The following MED27 variants were observed in gnomAD, a reference collection of about 807,000 sequenced individuals.
MED27 encodes the protein mediator of RNA polymerase II transcription subunit 27.
Under a neutral mutation model 38.2 loss-of-function variants are expected in MED27, and 30 were observed. The ratio of observed to expected loss-of-function variants is 0.79; its 90% CI spans 0.59 to 1.07. The LOEUF (loss-of-function observed/expected upper bound fraction) is 1.07. Among genes scored for constraint, MED27 ranks in the 50% least tolerant of loss-of-function variants. The pLI is 0.00. For synonymous variants in MED27, 122 were observed against 153.5 expected, an observed-to-expected ratio of 0.79 and a Z score of 1.52; for missense variants, 289 against 397.5, an observed-to-expected ratio of 0.73 and a Z score of 2.32.
intron 4 of MED27, among the ~76,000 whole-genome samples, chr9:131,900,232 C>T (rs541251718): frequency 2.0e-5 from 3 of 152,198 alleles, no homozygotes; most frequent in Non-Finnish European, 2.9e-5. Context: ...CTAGCCCCCC[C>T]ATCAGGTCAG....
At chr9:131,908,576 C>G (rs1408541858) in intron 4 of MED27, among the ~76,000 whole-genome samples, 1 of 152,156 alleles carries the variant, frequency 6.6e-6, no homozygotes, top group Non-Finnish European at 1.5e-5. Flanking sequence ...TGTGACCTTA[C>G]CCCCAACCCA....
At chr9:132,017,115 C>T (rs1001320508) in intron 2 of MED27, among the ~76,000 whole-genome samples, 6 of 152,068 alleles carry the variant, frequency 3.9e-5, no homozygotes, top group African/African-American at 1.2e-4. Context: ...CTATAAGGGG[C>T]CCATTAAATA....
chr9:131,964,962 T>C (rs1321324501), intron 3 of MED27, among the ~76,000 whole-genome samples: 1 of 152,234 alleles, frequency 6.6e-6, no homozygotes, highest in Non-Finnish European at 1.5e-5. Context: ...TTTTTAAAAG[T>C]GAAAGTACAA....
intron 3 of MED27, among the ~76,000 whole-genome samples, chr9:131,945,758 G>A (rs1032310044): frequency 3.4e-5 from 5 of 147,650 alleles, no homozygotes; most frequent in East Asian, 2.0e-4. Flanking sequence ...TCAGGAGTTC[G>A]AGATCAGCCT....
chr9:131,891,295 A>G lies in MED27; in HGVS notation c.681+2590T>C, dbSNP rs568270995. On this transcript the variant is annotated intron_variant, in intron 5 of 7. Coordinates refer to ENST00000292035, the MANE Select transcript of MED27 (RefSeq NM_004269.4). Reference sequence around the variant, plus strand: ...TGGAGATAAGATGAGGTGTGTGTAGAGAATGATGCCAGATGAAGTCAGAAA... The same window carrying G: ...TGGAGATAAGATGAGGTGTGTGTAGGGAATGATGCCAGATGAAGTCAGAAA... Among the ~76,000 whole-genome samples the G allele has an allele frequency of 1.5e-4, 23 of 152,364 alleles. No homozygotes were observed. In the East Asian group the frequency reaches 4.2e-3, roughly 28 times the overall value.
intron 2 of MED27, among the ~76,000 whole-genome samples, chr9:132,024,619 A>T (rs757646379): frequency 1.3e-5 from 2 of 152,240 alleles, no homozygotes; most frequent in African/African-American, 4.8e-5. Context: ...CTAAATGAGT[A>T]GCTATATTGA....
At chr9:131,869,317 T>C in intron 6 of MED27, 1 of 985,410 alleles carries the variant, frequency 1.0e-6, no homozygotes, top group Non-Finnish European at 1.2e-6. Context: ...TCAATATTTT[T>C]TTGTTTTACA....
At chr9:131,864,673 C>T (rs376854969) in intron 6 of MED27, among the ~76,000 whole-genome samples, 9 of 152,258 alleles carry the variant, frequency 5.9e-5, no homozygotes, top group South Asian at 4.1e-4. Flanking sequence ...GACCAGGGTC[C>T]GCGCCCCGCA....
At chr9:131,931,711 TA>T (rs1830591381) in intron 4 of MED27, among the ~76,000 whole-genome samples, 2 of 152,146 alleles carry the variant, frequency 1.3e-5, no homozygotes, top group African/African-American at 4.8e-5. Flanking sequence ...GGAGTAGCTA[TA>T]CTTACACAAA....
At chr9:132,033,468 G>C (rs902980639) in intron 2 of MED27, among the ~76,000 whole-genome samples, 1 of 152,030 alleles carries the variant, frequency 6.6e-6, no homozygotes, top group Non-Finnish European at 1.5e-5. Context: ...GAAAAACTTT[G>C]GTAAATTTAG....
At chr9:132,053,710 T>C (rs568096078) in intron 2 of MED27, among the ~76,000 whole-genome samples, 29 of 152,206 alleles carry the variant, frequency 1.9e-4, no homozygotes, top group African/African-American at 5.3e-4. Flanking sequence ...ACACTCCCCA[T>C]CTTCCTGCTC....
rs1324713195 is a variant in MED27, at chr9:131,893,988, G to C, written c.578C>G (p.Thr193Ser). Residue 193 changes from threonine to serine, a missense_variant, in exon 5 of 8, where the codon ACC (threonine) becomes AGC (serine). Thr to Ser is a moderately conservative substitution (Grantham distance 58, BLOSUM62 1). Coordinates refer to ENST00000292035, the MANE Select transcript of MED27 (RefSeq NM_004269.4). ...PNGTSAMLLV[T>S]LGKVLKVIVV... Reference sequence around the variant, plus strand: ...GATCACTTTCAACACCTTTCCCAAGGTCACCTGCCAAAACACATGTAAGCT... The same window carrying C: ...GATCACTTTCAACACCTTTCCCAAGCTCACCTGCCAAAACACATGTAAGCT... 3.7e-6 allele frequency: 6 copies of C among 1,613,624 alleles called. No homozygotes were observed. Among genetic ancestry groups the C allele is most frequent in the Non-Finnish European group, 4.2e-6 (5 of 1,179,730 alleles).
intron 2 of MED27, among the ~76,000 whole-genome samples, chr9:132,065,632 G>A (rs576640045): frequency 4.2e-4 from 64 of 152,318 alleles, no homozygotes; most frequent in Middle Eastern, 6.8e-3. Flanking sequence ...TGCCACTCCC[G>A]AATCTGAGAG....
At chr9:131,979,406 T>C (rs1262090873) in intron 3 of MED27, among the ~76,000 whole-genome samples, 3 of 150,604 alleles carry the variant, frequency 2.0e-5, no homozygotes, top group African/African-American at 7.3e-5. Context: ...TAGGAGCATA[T>C]GATAGATCTG....
chr9:131,974,801 C>T (rs2131018896), intron 3 of MED27, among the ~76,000 whole-genome samples: 2 of 152,340 alleles, frequency 1.3e-5, no homozygotes. Flanking sequence ...GCTCTTGTCA[C>T]TCCAGCTGTA....
chr9:131,876,663 A>G (rs1422714748), intron 6 of MED27, among the ~76,000 whole-genome samples: 1 of 152,088 alleles, frequency 6.6e-6, no homozygotes, highest in Non-Finnish European at 1.5e-5. Context: ...CGACCTGGTC[A>G]ATACAGTCCA....
rs540382406 is a variant in MED27 at position 131,868,813 on chromosome 9, G to C, written c.724-5673C>G. On this transcript the variant is annotated intron_variant, in intron 6 of 7. Coordinates refer to ENST00000292035, the MANE Select transcript of MED27 (RefSeq NM_004269.4). Reference sequence around the variant, plus strand: ...CCCAGGGCAGGTAAGTCTTTGGGAAGCTACAGTTCCGACGCCAGGCACAGG... The same window carrying C: ...CCCAGGGCAGGTAAGTCTTTGGGAACCTACAGTTCCGACGCCAGGCACAGG... 3.8e-4 allele frequency: 375 copies of C among 985,472 alleles called. 2 individuals carry two copies. Among genetic ancestry groups the C allele is most frequent in the Non-Finnish European group, 3.3e-4 (270 of 829,924 alleles). 61.0% of individuals were successfully genotyped at this position (985,472 alleles called of 1,614,324 possible). A position where few individuals can be genotyped will look rare whatever the true frequency, so the allele number is the denominator to read the frequency against.
At chr9:132,068,000 T>C (rs1833846979) in intron 2 of MED27, among the ~76,000 whole-genome samples, 1 of 152,206 alleles carries the variant, frequency 6.6e-6, no homozygotes, top group Non-Finnish European at 1.5e-5. Flanking sequence ...GCTAGGTCAT[T>C]ATTCTCTCAC....
rs932086985 is a variant in MED27 at position 131,913,464 on chromosome 9, G to A, written c.574-19472C>T. On this transcript the variant is annotated intron_variant, in intron 4 of 7. Coordinates refer to ENST00000292035, the MANE Select transcript of MED27 (RefSeq NM_004269.4). This position sits in a 1 kb window ranked among gnomAD's most constrained non-coding sequence, Gnocchi z 4.5. ...AATAATCATAAGCATATAGTAAGGG[G>A]TCAAATAGAGTCCTGAGCACACAGT... Among the ~76,000 whole-genome samples the A allele has an allele frequency of 9.2e-5, 14 of 152,168 alleles. No individual in the cohort carries two copies. Among genetic ancestry groups the A allele is most frequent in the African/African-American group, 3.4e-4 (14 of 41,440 alleles).
Sources: gnomAD v4.1 joint callset for allele counts (sites outside exome capture counted in the v4.1 genomes callset) on GRCh38, gnomAD v4.1.1 for gene constraint, Gnocchi (gnomAD v3.1) non-coding constraint, MANE v1.5 for transcripts, NCBI Gene and HGNC (gene_info 2026-07-23, HGNC 2026-07-21) for gene names.